Variants in AFF3 observed in about 807,000 individuals in gnomAD.
AFF3 encodes the protein ALF transcription elongation factor 3.
A neutral mutation model predicts 129.7 loss-of-function variants in AFF3; 32 were observed. The ratio of observed to expected loss-of-function variants is 0.25; its 90% confidence interval spans 0.19 to 0.33. The LOEUF (loss-of-function observed/expected upper bound fraction) is 0.33. Among genes scored for constraint, AFF3 ranks in the 10% least tolerant of loss-of-function variants. The probability of loss-of-function intolerance (pLI) is 1.00; values close to 1 mark genes in which losing one functional copy is unlikely to be tolerated. For missense variants in AFF3, 1,373 were observed against 1,592.0 expected (o/e 0.86, Z 2.34); for synonymous variants, 644 against 635.4 (o/e 1.01, Z -0.20).
At chr2:99,941,261 C>T (rs914365514) in intron 7 of AFF3, among the ~76,000 whole-genome samples, 1 of 152,176 alleles carries the variant, frequency 6.6e-6, no homozygotes, top group East Asian at 1.9e-4. Flanking sequence ...ATCTCAGCAC[C>T]ACTCTGACCT....
intron 4 of AFF3, among the ~76,000 whole-genome samples, chr2:100,033,834 A>G (rs1002930631): frequency 6.6e-6 from 1 of 152,194 alleles, no homozygotes; most frequent in Non-Finnish European, 1.5e-5. Context: ...GCTTTTGTGT[A>G]TATCAAATTA....
intron 14 of AFF3, among the ~76,000 whole-genome samples, chr2:99,598,438 A>G (rs1002293597): frequency 1.3e-5 from 2 of 152,200 alleles, no homozygotes; most frequent in African/African-American, 4.8e-5. Context: ...CATGCCACAG[A>G]GAGGGCCCCT....
chr2:99,568,980 C>T (rs1435226268), intron 18 of AFF3, 65 bp from the exon 19 acceptor site: 21 of 1,435,676 alleles, frequency 1.5e-5, no homozygotes, highest in Admixed American at 1.7e-5. Context: ...TAAAATATTC[C>T]TTCCTTTCAC....
At chr2:100,061,809 G>A (rs1013126717) in intron 4 of AFF3, among the ~76,000 whole-genome samples, 9 of 149,724 alleles carry the variant, frequency 6.0e-5, no homozygotes, top group Non-Finnish European at 1.0e-4. Flanking sequence ...AAAAAGAGCT[G>A]TGCTGTGATC....
intron 12 of AFF3, among the ~76,000 whole-genome samples, chr2:99,660,077 T>C (rs972175622): frequency 6.6e-6 from 1 of 152,208 alleles, no homozygotes; most frequent in East Asian, 1.9e-4. Context: ...GGATTAGTCA[T>C]TTCCTATTTT....
intron 8 of AFF3, among the ~76,000 whole-genome samples, chr2:99,808,559 C>T (rs1233460009): frequency 6.6e-6 from 1 of 152,116 alleles, no homozygotes; most frequent in African/African-American, 2.4e-5. Flanking sequence ...TGCCCCTCCC[C>T]CTCCTCTGAG....
chr2:99,663,875 C>T (rs899950583), intron 12 of AFF3, among the ~76,000 whole-genome samples: 1 of 152,180 alleles, frequency 6.6e-6, no homozygotes, highest in Non-Finnish European at 1.5e-5. Flanking sequence ...CTGCTCCTTG[C>T]TGAAAGTCTT....
chr2:99,666,093 AGG>A (rs1164126958), intron 12 of AFF3, among the ~76,000 whole-genome samples: 4 of 152,226 alleles, frequency 2.6e-5, no homozygotes, highest in Non-Finnish European at 5.9e-5. Flanking sequence ...AGGAGGACAC[AGG>A]ATGAGTGAAG....
chr2:100,057,489 T>C (rs1179677666), intron 4 of AFF3, among the ~76,000 whole-genome samples: 1 of 152,188 alleles, frequency 6.6e-6, no homozygotes, highest in Non-Finnish European at 1.5e-5. Flanking sequence ...TTAAAGCACA[T>C]AGCATTTACA....
chr2:99,690,959 T>C (rs917970870), intron 11 of AFF3, among the ~76,000 whole-genome samples: 1 of 152,078 alleles, frequency 6.6e-6, no homozygotes, highest in African/African-American at 2.4e-5. Context: ...GGTGTGTTTC[T>C]GTTTGAATGT....
intron 11 of AFF3, among the ~76,000 whole-genome samples, chr2:99,675,797 G>A (rs896993957): frequency 4.6e-5 from 7 of 152,182 alleles, no homozygotes; most frequent in Non-Finnish European, 1.0e-4. Flanking sequence ...AAATGGCACC[G>A]TGGTGGTCAT....
intron 7 of AFF3, among the ~76,000 whole-genome samples, chr2:99,845,839 T>C (rs752457313): frequency 5.9e-5 from 9 of 152,162 alleles, no homozygotes; most frequent in African/African-American, 9.7e-5. Context: ...AATTAATTAA[T>C]TTCTTTATTT....
intron 7 of AFF3, among the ~76,000 whole-genome samples, chr2:99,912,282 A>G (rs867203925): frequency 3.2e-4 from 49 of 152,218 alleles, no homozygotes; most frequent in African/African-American, 9.9e-4. Flanking sequence ...CTAACAATCA[A>G]TTGTTTTACA....
At chr2:99,973,809 G>A (rs778257339) in intron 7 of AFF3, among the ~76,000 whole-genome samples, 4 of 151,780 alleles carry the variant, frequency 2.6e-5, no homozygotes, top group South Asian at 4.2e-4. Context: ...CTGCTTGTTC[G>A]CTGTCCCTTT....
chr2:99,860,692 C>T (rs951262287), intron 7 of AFF3, among the ~76,000 whole-genome samples: 3 of 151,674 alleles, frequency 2.0e-5, no homozygotes, highest in African/African-American at 7.3e-5. Context: ...CACATCATTG[C>T]CTAGCCTGGG....
intron 18 of AFF3, among the ~76,000 whole-genome samples, chr2:99,575,512 C>T (rs1007752516): frequency 2.6e-5 from 4 of 151,412 alleles, no homozygotes; most frequent in Admixed American, 1.3e-4. Context: ...CCACCCACCT[C>T]GGCTCCCCCA....
At chr2:99,854,883 G>A (rs759993823) in intron 7 of AFF3, among the ~76,000 whole-genome samples, 1 of 152,180 alleles carries the variant, frequency 6.6e-6, no homozygotes, top group African/African-American at 2.4e-5. Context: ...TTGTCAAAAG[G>A]TAACTCAGTG....
chr2:99,660,647 G>T (rs1359986536), intron 12 of AFF3, among the ~76,000 whole-genome samples: 1 of 152,210 alleles, frequency 6.6e-6, no homozygotes, highest in Non-Finnish European at 1.5e-5. Context: ...GAAAGAAGAG[G>T]TACTCAGAGA....
intron 13 of AFF3, among the ~76,000 whole-genome samples, chr2:99,602,788 G>A (rs894780275): frequency 2.0e-5 from 3 of 152,182 alleles, no homozygotes; most frequent in Non-Finnish European, 2.9e-5. Flanking sequence ...TAAAGGACTT[G>A]TTTCACCCAT....
Sources: allele counts gnomAD v4.1 joint callset (sites outside exome capture counted in the v4.1 genomes callset), GRCh38; gene constraint gnomAD v4.1.1; transcripts MANE v1.5; gene names NCBI Gene and HGNC (gene_info 2026-07-23, HGNC 2026-07-21).